Variants in LRP1B observed in about 807,000 individuals in gnomAD.
LRP1B encodes the protein low-density lipoprotein receptor-related protein 1B.
A neutral mutation model predicts 556.6 loss-of-function variants in LRP1B; 217 were observed. The ratio of observed to expected loss-of-function variants is 0.39; its 90% CI spans 0.35 to 0.44. The LOEUF is 0.44. LRP1B is among the 20% of genes least tolerant of loss of function. The pLI is 1.00. For missense variants in LRP1B, 5,053 were observed against 5,620.8 expected (o/e 0.90, Z 3.23); for synonymous variants, 2,047 against 1,865.8 (o/e 1.10, Z -2.50).
chr2:142,106,585 A>G, intron 1 of LRP1B, among the ~76,000 whole-genome samples: 1 of 152,194 alleles, frequency 6.6e-6, no homozygotes, highest in Non-Finnish European at 1.5e-5. Context: ...GATATAAAAT[A>G]TATCAGATTT....
In LRP1B at chr2:140,444,350, T is replaced by C. The variant is rs1275150025; in HGVS notation, c.10274A>G (p.Glu3425Gly). The change falls in exon 65 of 91, where the codon GAG becomes GGG. Residue 3425 changes from glutamate to glycine, a missense_variant. This residue lies in a region of LRP1B where 262 missense variants were observed against 395.1 expected (regional missense o/e 0.66). Coordinates refer to ENST00000389484, the MANE Select transcript of LRP1B (RefSeq NM_018557.3). ...RCNGQDDCGD[E>G]EDERDCPENS... ...CTTACGACAGTCTCTTTCATCTTCC[T>C]CATCACCACAGTCATCTTGCCCATT... The C allele has an allele frequency of 1.2e-6, 2 of 1,613,952 alleles. No homozygotes were observed. The highest frequency in any genetic ancestry group is 1.7e-6 in the Non-Finnish European group (2 of 1,179,882).
At chr2:140,889,787 A>G (rs1299326333) in intron 23 of LRP1B, among the ~76,000 whole-genome samples, 4 of 152,172 alleles carry the variant, frequency 2.6e-5, no homozygotes, top group Admixed American at 6.5e-5. Context: ...TAGTGTTAGC[A>G]ATGATTTGGA....
At chr2:140,243,442 T>C (rs1010136492) in intron 87 of LRP1B, among the ~76,000 whole-genome samples, 11 of 151,208 alleles carry the variant, frequency 7.3e-5, no homozygotes, top group African/African-American at 2.7e-4. Flanking sequence ...TATTTACTGA[T>C]CAAATTTTCA....
At chr2:140,710,960 G>A (rs1225683736) in intron 37 of LRP1B, among the ~76,000 whole-genome samples, 1 of 152,012 alleles carries the variant, frequency 6.6e-6, no homozygotes, top group African/African-American at 2.4e-5. Context: ...TCTAATGAGA[G>A]TGACCTGAGC....
At chr2:140,877,980 T>G (rs1299238378) in intron 25 of LRP1B, among the ~76,000 whole-genome samples, 2 of 152,218 alleles carry the variant, frequency 1.3e-5, no homozygotes, top group Non-Finnish European at 2.9e-5. Context: ...ATGGCTTTAA[T>G]TTTAGTTTCA....
At chr2:141,911,157 A>G (rs1529870) in intron 1 of LRP1B, among the ~76,000 whole-genome samples, 130,359 of 152,040 alleles carry the variant, frequency 0.86, 56,074 homozygotes, top group East Asian at 1. Flanking sequence ...CTTACTGTTC[A>G]TTACAGATAG....
In LRP1B at chr2:140,541,912, T is replaced by A. The variant is rs1439366342; in HGVS notation, c.7254A>T (p.Ile2418=). Residue 2418 remains isoleucine, a synonymous_variant, in exon 44 of 91, where the codon ATA becomes ATT. Coordinates refer to ENST00000389484, the MANE Select transcript of LRP1B (RefSeq NM_018557.3). ...FLSLAVYDNY[I]FWSDWGRRAI... ...CTCTTCTTCCCCAGTCCGACCAGAA[T>A]ATATAATTGTCATAAACAGCCAAAC... 1.9e-6 allele frequency: 3 copies of A among 1,612,072 alleles called. No individual in the cohort carries two copies. Among genetic ancestry groups the A allele is most frequent in the Non-Finnish European group, 2.5e-6 (3 of 1,178,716 alleles).
chr2:142,031,330 A>ATTTTTTTT (rs560363480), intron 1 of LRP1B, among the ~76,000 whole-genome samples: 27,843 of 114,636 alleles, frequency 0.24, 4,308 homozygotes, highest in Non-Finnish European at 0.33. Flanking sequence ...GATTATACTT[A>ATTTTTTTT]TTTTTTTTTT....
chr2:142,069,000 GTCTC>G (rs138746479), intron 1 of LRP1B, among the ~76,000 whole-genome samples: 4 of 151,070 alleles, frequency 2.6e-5, no homozygotes, highest in Admixed American at 6.6e-5. Flanking sequence ...ATCTCTCTCT[GTCTC>G]TCTCTCTATG....
chr2:141,979,534 C>A (rs980527454), intron 1 of LRP1B, among the ~76,000 whole-genome samples: 1 of 151,960 alleles, frequency 6.6e-6, no homozygotes, highest in Admixed American at 6.6e-5. Flanking sequence ...TTTTCAGGTT[C>A]TTCTCCCTCA....
intron 41 of LRP1B, among the ~76,000 whole-genome samples, chr2:140,624,390 T>C (rs1383944848): frequency 2.0e-5 from 3 of 152,290 alleles, no homozygotes; most frequent in East Asian, 3.9e-4. Context: ...CAGTTTACCA[T>C]GCCATTTGGA....
chr2:140,705,704 C>T (rs935721323), intron 37 of LRP1B, among the ~76,000 whole-genome samples: 2 of 151,360 alleles, frequency 1.3e-5, no homozygotes, highest in South Asian at 2.1e-4. Flanking sequence ...AAAAAAAATG[C>T]ATAAAATTAT....
intron 66 of LRP1B, among the ~76,000 whole-genome samples, chr2:140,417,545 T>A (rs1685252344): frequency 6.6e-6 from 1 of 152,214 alleles, no homozygotes; most frequent in Non-Finnish European, 1.5e-5. Context: ...TGCACGATGA[T>A]GTTATGTGCA....
At chr2:140,982,016 A>T in intron 18 of LRP1B, 144 bp downstream of exon 18, 1 of 596,550 alleles carries the variant, frequency 1.7e-6, no homozygotes, top group Non-Finnish European at 2.9e-6. Flanking sequence ...AATCAGGTCC[A>T]AAAGTTTGTA....
chr2:140,948,439 T>A (rs1695607053), intron 20 of LRP1B, among the ~76,000 whole-genome samples: 2 of 152,180 alleles, frequency 1.3e-5, no homozygotes, highest in African/African-American at 4.8e-5. Context: ...CTAGCTCATA[T>A]ATACTCATGC....
At chr2:141,160,026 C>G (rs1679933727) in intron 7 of LRP1B, among the ~76,000 whole-genome samples, 1 of 151,796 alleles carries the variant, frequency 6.6e-6, no homozygotes, top group Non-Finnish European at 1.5e-5. Context: ...ACTTAGAGGG[C>G]AGGTCAATAG....
At chr2:140,340,081 T>C (rs115110355) in intron 77 of LRP1B, among the ~76,000 whole-genome samples, 2,653 of 151,574 alleles carry the variant, frequency 0.018, 85 homozygotes, top group African/African-American at 0.061. Context: ...TGTTACTCTT[T>C]TTTTTTTAAG....
At chr2:140,347,470 A>C (rs796255661) in intron 77 of LRP1B, among the ~76,000 whole-genome samples, 4 of 151,926 alleles carry the variant, frequency 2.6e-5, no homozygotes, top group African/African-American at 9.6e-5. Context: ...TTCCAAAAAA[A>C]AAAAAGAAAC....
At chr2:141,563,516 T>C (rs1261356216) in intron 2 of LRP1B, among the ~76,000 whole-genome samples, 2 of 151,780 alleles carry the variant, frequency 1.3e-5, no homozygotes, top group Non-Finnish European at 2.9e-5. Flanking sequence ...AGAATGTCAG[T>C]AAGGAGAGGA....
Sources: allele counts gnomAD v4.1 joint callset (sites outside exome capture counted in the v4.1 genomes callset), GRCh38; gene constraint gnomAD v4.1.1; regional missense constraint gnomAD v4.1.1; transcripts MANE v1.5; gene names NCBI Gene and HGNC (gene_info 2026-07-23, HGNC 2026-07-21).